BTBD9: variants seen among roughly 807,000 people sequenced by gnomAD.
The protein encoded by BTBD9 is BTB/POZ domain-containing protein 9.
BTBD9 carries 49 observed loss-of-function variants against 64.3 expected under a neutral mutation model. The observed-to-expected ratio is 0.76, with a 90% confidence interval of 0.61 to 0.97. The LOEUF (loss-of-function observed/expected upper bound fraction) is 0.97. Among genes scored for constraint, BTBD9 ranks in the 50% least tolerant of loss-of-function variants. The probability of loss-of-function intolerance (pLI) is 0.00; values close to 1 mark genes in which losing one functional copy is unlikely to be tolerated. For synonymous variants in BTBD9, 260 were observed against 274.7 expected (o/e 0.95, Z 0.53); for missense variants, 598 against 762.1 (o/e 0.78, Z 2.53).
chr6:38,579,995 G>T (rs1329408205), intron 5 of BTBD9, among the ~76,000 whole-genome samples: 1 of 151,996 alleles, frequency 6.6e-6, no homozygotes, highest in Non-Finnish European at 1.5e-5. Flanking sequence ...ATTTTCTATG[G>T]TTTCTACAAT....
chr6:38,332,435 C>G (rs991910484), intron 7 of BTBD9, among the ~76,000 whole-genome samples: 3 of 152,136 alleles, frequency 2.0e-5, no homozygotes, highest in Admixed American at 6.5e-5. Context: ...GAGATGTCAC[C>G]TTTATCTCAC....
intron 9 of BTBD9, among the ~76,000 whole-genome samples, chr6:38,225,117 T>C (rs567710968): frequency 1.3e-5 from 2 of 152,300 alleles, no homozygotes; most frequent in African/African-American, 4.8e-5. Flanking sequence ...AAGGCAGCCT[T>C]TGCATTTGTA....
intron 6 of BTBD9, among the ~76,000 whole-genome samples, chr6:38,466,283 C>CTTT (rs67769669): frequency 9.1e-5 from 4 of 44,064 alleles, no homozygotes; most frequent in Non-Finnish European, 1.6e-4. Context: ...CTTCCTTTTC[C>CTTT]TTTTTTTTTT....
At chr6:38,196,163 C>T (rs1762268822) in intron 9 of BTBD9, among the ~76,000 whole-genome samples, 1 of 152,232 alleles carries the variant, frequency 6.6e-6, no homozygotes, top group Non-Finnish European at 1.5e-5. Context: ...GGGTGGAGAG[C>T]ATGGGCTCTG....
At chr6:38,594,470 T>C (rs1776953636) in intron 2 of BTBD9, 143 bp from the exon 3 acceptor site, 4 of 995,706 alleles carry the variant, frequency 4.0e-6, no homozygotes, top group South Asian at 1.9e-5. Flanking sequence ...AAAGTAATCA[T>C]TTAAAATGGT....
intron 9 of BTBD9, among the ~76,000 whole-genome samples, chr6:38,239,906 G>A (rs760763655): frequency 2.0e-5 from 3 of 152,162 alleles, no homozygotes; most frequent in Non-Finnish European, 2.9e-5. Context: ...CAAACTGAAC[G>A]TCACACTTAC....
At chr6:38,289,938 C>T (rs999886728) in intron 7 of BTBD9, among the ~76,000 whole-genome samples, 12 of 152,094 alleles carry the variant, frequency 7.9e-5, no homozygotes, top group Non-Finnish European at 1.5e-4. Context: ...TTTCTTCAGA[C>T]ATTTAAGTTA....
intron 7 of BTBD9, among the ~76,000 whole-genome samples, chr6:38,294,299 C>T (rs1762080668): frequency 6.6e-6 from 1 of 152,092 alleles, no homozygotes; most frequent in African/African-American, 2.4e-5. Flanking sequence ...ACCATTTGAC[C>T]CAGCCATCTC....
chr6:38,352,922 T>TA, intron 6 of BTBD9, among the ~76,000 whole-genome samples: 1 of 152,332 alleles, frequency 6.6e-6, no homozygotes, highest in East Asian at 1.9e-4. Flanking sequence ...ATAATACAGA[T>TA]AAAATCCCTC....
At chr6:38,374,292 T>TATATATATAC (rs1217899727) in intron 6 of BTBD9, among the ~76,000 whole-genome samples, 1 of 77,510 alleles carries the variant, frequency 1.3e-5, no homozygotes, top group Non-Finnish European at 2.2e-5. Context: ...AGTATATATA[T>TATATATATAC]ATATGTATAT....
chr6:38,430,430 G>A (rs1562175366), intron 6 of BTBD9, among the ~76,000 whole-genome samples: 2 of 151,314 alleles, frequency 1.3e-5, no homozygotes, highest in African/African-American at 2.4e-5. Context: ...TCATTATGCT[G>A]CCCAGGCTCA....
chr6:38,417,591 T>C (rs963071215), intron 6 of BTBD9, among the ~76,000 whole-genome samples: 3 of 152,072 alleles, frequency 2.0e-5, no homozygotes, highest in Admixed American at 2.0e-4. Context: ...CTGGGCAGCA[T>C]AGCAAAACCA....
chr6:38,485,358 A>C (rs1771346347), intron 6 of BTBD9, among the ~76,000 whole-genome samples: 1 of 152,248 alleles, frequency 6.6e-6, no homozygotes. Flanking sequence ...CCCAGATCAG[A>C]GGAATCAAAA....
Position 38,305,619 on chromosome 6 carries a change from C to T in BTBD9, c.1265-17158G>A, listed in dbSNP as rs1213401283. 4.6e-5 allele frequency among the ~76,000 whole-genome samples: 7 copies of T among 152,162 alleles called. No individual in the cohort carries two copies. In the East Asian group the frequency reaches 1.4e-3, roughly 29 times the overall value. On this transcript the variant is annotated intron_variant, in intron 7 of 10. Coordinates refer to ENST00000481247, the MANE Select transcript of BTBD9 (RefSeq NM_001099272.2). ...TGCTCAGCCTCCCGAGTAGCTGGGA[C>T]TACAGATGCACGCCACCACACCGGG...
At chr6:38,298,481 TTTG>T (rs543852139) in intron 7 of BTBD9, among the ~76,000 whole-genome samples, 211 of 152,328 alleles carry the variant, frequency 1.4e-3, no homozygotes, top group African/African-American at 4.9e-3. Flanking sequence ...GCCTCAAGTA[TTTG>T]TTGTTTCTAT....
intron 8 of BTBD9, among the ~76,000 whole-genome samples, chr6:38,273,083 G>A (rs1392737048): frequency 6.6e-6 from 1 of 152,126 alleles, no homozygotes; most frequent in Admixed American, 6.5e-5. Flanking sequence ...TAATGCAAAG[G>A]GTGTATAGGA....
intron 7 of BTBD9, among the ~76,000 whole-genome samples, chr6:38,302,485 GTA>G (rs59324806): frequency 0.055 from 5,867 of 106,292 alleles, 164 homozygotes; most frequent in Admixed American, 0.069. Context: ...TTGTGTGTAT[GTA>G]TATATATATA....
At chr6:38,613,924 C>A (rs2127515867) in intron 1 of BTBD9, among the ~76,000 whole-genome samples, 1 of 152,252 alleles carries the variant, frequency 6.6e-6, no homozygotes, top group East Asian at 1.9e-4. Context: ...TATGAGTATT[C>A]TCTTCCTCTC....
chr6:38,471,572 G>A (rs1770654327), intron 6 of BTBD9, among the ~76,000 whole-genome samples: 1 of 152,070 alleles, frequency 6.6e-6, no homozygotes, highest in African/African-American at 2.4e-5. Context: ...TTTAAGCAGG[G>A]ATGAGTTCTC....
Sources: allele counts gnomAD v4.1 joint callset (sites outside exome capture counted in the v4.1 genomes callset), GRCh38; gene constraint gnomAD v4.1.1; transcripts MANE v1.5; gene names NCBI Gene and HGNC (gene_info 2026-07-23, HGNC 2026-07-21).